GET3: variants seen among roughly 807,000 people sequenced by gnomAD.
The protein encoded by GET3 is ATPase GET3.
A neutral mutation model predicts 32.4 loss-of-function variants in GET3; 15 were observed. The ratio of observed to expected loss-of-function variants is 0.46; its 90% CI spans 0.31 to 0.71. GET3 has a LOEUF of 0.71. Ranked by LOEUF, GET3 falls within the 30% of genes least tolerant of loss-of-function variation. The pLI, the probability that GET3 is intolerant of heterozygous loss-of-function variation, is 0.05. For synonymous variants in GET3, 198 were observed against 185.6 expected, an observed-to-expected ratio of 1.07 and a Z score of -0.54; for missense variants, 333 against 459.0, an observed-to-expected ratio of 0.73 and a Z score of 2.51.
At chr19:12,737,395 T>C (rs918010596), upstream of GET3, 28 of 1,302,604 alleles carry the variant, frequency 2.1e-5, 1 homozygote, top group South Asian at 2.7e-4. Flanking sequence ...AAAAGGCAAG[T>C]AATGAGGAAA....
Position 12,747,155 on chromosome 19 carries a change from C to G in GET3, c.610-42C>G. On this transcript the variant is annotated intron_variant, in intron 4 of 6. Coordinates refer to ENST00000357332, the MANE Select transcript of GET3 (RefSeq NM_004317.4). This position sits in a 1 kb window ranked among gnomAD's most constrained non-coding sequence, Gnocchi z 4.0. ...TTAGTGAACCCCCAACCCAGGAGGT[C>G]GCCGCAGGTAAGCTATGAGCCCTCC... 4 of 1,524,342 alleles carry G rather than the reference C, an allele frequency of 2.6e-6. No individual in the cohort carries two copies. In the African/African-American group the frequency reaches 4.1e-5, roughly 16 times the overall value. 94.4% of individuals were successfully genotyped at this position (1,524,342 alleles called of 1,614,324 possible). A position where few individuals can be genotyped will look rare whatever the true frequency, so the allele number is the denominator to read the frequency against.
At chr19:12,738,749 C>A in intron 2 of GET3, 91 bp downstream of exon 2, 1 of 1,498,836 alleles carries the variant, frequency 6.7e-7, no homozygotes, top group Non-Finnish European at 9.1e-7. Context: ...GTGTCCTATC[C>A]ACTCTATATC....
At chr19:12,740,297 C>T (rs746683087) in intron 2 of GET3, among the ~76,000 whole-genome samples, 14 of 152,136 alleles carry the variant, frequency 9.2e-5, no homozygotes, top group Non-Finnish European at 1.6e-4. Context: ...AGGAGAGTGG[C>T]GTGAACCCCG....
chr19:12,737,733 G>C, intron 1 of GET3, 67 bp downstream of exon 1: 2 of 1,513,740 alleles, frequency 1.3e-6, no homozygotes, highest in Non-Finnish European at 1.7e-6. Context: ...GGAGGCCAAG[G>C]ACCGGCTTTT....
rs756032378 is a variant in GET3, at chr19:12,747,955, C to T, written c.916-18C>T. On this transcript the variant is annotated intron_variant, in intron 6 of 6. Transcript: ENST00000357332. The surrounding 1 kb of genome is among the most constrained non-coding windows in gnomAD (Gnocchi z 4.0). ...CTGCCCCCTGACCACTGCCTTCTAC[C>T]CTCTGCCCTGGCTGCAGATGGAGGA... The T allele has an allele frequency of 1.3e-6, 2 of 1,583,226 alleles. No homozygotes were observed. The highest frequency in any genetic ancestry group is 1.2e-5 in the South Asian group (1 of 86,772).
Position 12,738,535 on chromosome 19 carries a change from C to G in GET3, c.186C>G (p.Ser62=). Reference sequence around the variant, plus strand: ...GCTGCAGCCTGGCAGTCCAGCTCTCCAAGGGGCGTGAGAGTGTTCTGATCA... The same window carrying G: ...GCTGCAGCCTGGCAGTCCAGCTCTCGAAGGGGCGTGAGAGTGTTCTGATCA... ...TCSCSLAVQL[S]KGRESVLIIS... Residue 62 remains serine (S), a synonymous_variant, in exon 2 of 7, where the codon TCC becomes TCG. Coordinates refer to ENST00000357332, the MANE Select transcript of GET3 (RefSeq NM_004317.4). 6.2e-7 allele frequency: 1 copy of G among 1,614,140 alleles called. No individual in the cohort carries two copies. Among genetic ancestry groups the G allele is most frequent in the Non-Finnish European group, 8.5e-7 (1 of 1,180,028 alleles).
chr19:12,743,775 C>G (rs1357485243), intron 2 of GET3, among the ~76,000 whole-genome samples: 2 of 109,170 alleles, frequency 1.8e-5, no homozygotes, highest in Non-Finnish European at 3.6e-5. Context: ...GTCGCCCAGG[C>G]TGGAGTGCAG....
chr19:12,740,977 G>A (rs1271516620), intron 2 of GET3, among the ~76,000 whole-genome samples: 3 of 152,322 alleles, frequency 2.0e-5, no homozygotes, highest in East Asian at 1.9e-4. Flanking sequence ...AGGTAGCAGG[G>A]GGAACCAGAA....
chr19:12,739,071 A>G (rs943232045), intron 2 of GET3, among the ~76,000 whole-genome samples: 6 of 152,148 alleles, frequency 3.9e-5, no homozygotes, highest in African/African-American at 1.2e-4. Context: ...AGAAGCAGGG[A>G]AACTAACAAG....
intron 2 of GET3, among the ~76,000 whole-genome samples, chr19:12,739,810 A>C (rs182405224): frequency 1.3e-5 from 2 of 151,836 alleles, no homozygotes; most frequent in East Asian, 3.9e-4. Flanking sequence ...TTGAGAAGCC[A>C]AGGTGGGCGG....
At chr19:12,739,712 C>T (rs1967630845) in intron 2 of GET3, among the ~76,000 whole-genome samples, 1 of 152,060 alleles carries the variant, frequency 6.6e-6, no homozygotes, top group Admixed American at 6.6e-5. Context: ...AGGAGGTTGG[C>T]ATTGATTTGG....
chr19:12,747,048 A>G lies in GET3; in HGVS notation c.610-149A>G. The G allele has an allele frequency of 2.0e-6, 1 of 507,592 alleles. No homozygotes were observed. Among genetic ancestry groups the G allele is most frequent in the Non-Finnish European group, 3.5e-6 (1 of 288,892 alleles). 31.4% of individuals were successfully genotyped at this position (507,592 alleles called of 1,614,324 possible). A position where few individuals can be genotyped will look rare whatever the true frequency, so the allele number is the denominator to read the frequency against. On this transcript the variant is annotated intron_variant, in intron 4 of 6. Transcript: ENST00000357332. The surrounding 1 kb of genome is among the most constrained non-coding windows in gnomAD (Gnocchi z 4.0). ...AAAGAAAGAAAGAAATGGAAAAGCTAGTATTTGACCAACCCCAGGAATCTG... is the reference window on the plus strand; with the variant it reads ...AAAGAAAGAAAGAAATGGAAAAGCTGGTATTTGACCAACCCCAGGAATCTG...
rs1421078906 is a variant in GET3 at position 12,737,679 on chromosome 19, C to G, written c.161+13C>G. On this transcript the variant is annotated intron_variant, in intron 1 of 6. Coordinates refer to ENST00000357332, the MANE Select transcript of GET3 (RefSeq NM_004317.4). ...AGACCACCTGCAGGTAAGGAGGCTG[C>G]GGCGGGGGCCAGGAGGCGTGTAGGA... The G allele has an allele frequency of 6.2e-7, 1 of 1,601,578 alleles. No individual in the cohort carries two copies. The highest frequency in any genetic ancestry group is 8.5e-7 in the Non-Finnish European group (1 of 1,176,560).
chr19:12,738,704 C>T (rs1473424003), intron 2 of GET3, 46 bp downstream of exon 2: 2 of 1,612,372 alleles, frequency 1.2e-6, no homozygotes, highest in Non-Finnish European at 1.7e-6. Context: ...AAAGCCTCTT[C>T]CAGCCTTTCT....
At chr19:12,739,803 A>G (rs1967632481) in intron 2 of GET3, among the ~76,000 whole-genome samples, 1 of 151,506 alleles carries the variant, frequency 6.6e-6, no homozygotes, top group Non-Finnish European at 1.5e-5. Context: ...TAGCACTTTG[A>G]GAAGCCAAGG....
rs758938561 is a variant in GET3 at position 12,745,651 on chromosome 19, G to A, written c.501G>A (p.Thr167=). 58 of 1,602,150 alleles carry A rather than the reference G, an allele frequency of 3.6e-5. 1 individual carries two copies. In the South Asian group the frequency reaches 4.5e-4, roughly 13 times the overall value. ...GMNFSVVVFD[T]APTGHTLRLL... ...ACTTCTCGGTGGTGGTATTTGACAC[G>A]GCACCCACGGGCCACACCCTGAGGC... The change falls in exon 4 of 7, where the codon ACG becomes ACA. Residue 167 remains threonine (T), a synonymous_variant. Transcript: ENST00000357332. This position sits in a 1 kb window ranked among gnomAD's most constrained non-coding sequence, Gnocchi z 5.0.
chr19:12,745,757 C>T lies in GET3; in HGVS notation c.607C>T (p.Gln203Ter). 1 of 1,604,716 alleles carries T rather than the reference C, an allele frequency of 6.2e-7. No homozygotes were observed. The highest frequency in any genetic ancestry group is 2.2e-5 in the East Asian group (1 of 44,804). ...IKNQISPFIS[Q>*]MCNMLGLGDM... ...GAACCAGATCAGCCCTTTCATCTCA[C>T]AGGCAGGCGGCGGGGGCCCCCACCT... Residue 203 changes from glutamine to a stop codon, truncating the protein, a stop_gained and splice_region_variant, in exon 4 of 7, where the codon CAG becomes TAG. Coordinates refer to ENST00000357332, the MANE Select transcript of GET3 (RefSeq NM_004317.4). LOFTEE classifies it high-confidence loss of function. This position sits in a 1 kb window ranked among gnomAD's most constrained non-coding sequence, Gnocchi z 5.0.
intron 2 of GET3, among the ~76,000 whole-genome samples, chr19:12,739,809 C>T (rs1967632610): frequency 6.6e-6 from 1 of 151,486 alleles, no homozygotes; most frequent in Non-Finnish European, 1.5e-5. Context: ...TTTGAGAAGC[C>T]AAGGTGGGCG....
At chr19:12,742,972 G>A (rs995273532) in intron 2 of GET3, among the ~76,000 whole-genome samples, 1 of 152,198 alleles carries the variant, frequency 6.6e-6, no homozygotes, top group Non-Finnish European at 1.5e-5. Context: ...GGATAAGGGT[G>A]CCAGCCAAGA....
Sources: gnomAD v4.1 joint callset for allele counts (sites outside exome capture counted in the v4.1 genomes callset) on GRCh38, gnomAD v4.1.1 for gene constraint, Gnocchi (gnomAD v3.1) non-coding constraint, MANE v1.5 for transcripts, NCBI Gene and HGNC (gene_info 2026-07-23, HGNC 2026-07-21) for gene names.